The following CHRM3 variants were observed in gnomAD, a reference collection of about 807,000 sequenced individuals.
CHRM3 encodes muscarinic acetylcholine receptor M3.
In CHRM3, 11 loss-of-function variants were observed where a neutral mutation model predicts 41.8. That is an observed-to-expected ratio of 0.26 (90% CI 0.17 to 0.44). The LOEUF is 0.44. Ranked by LOEUF, CHRM3 falls within the 20% of genes least tolerant of loss-of-function variation. The pLI is 1.00. For synonymous variants in CHRM3, 297 were observed against 301.4 expected (o/e 0.99, Z 0.15); for missense variants, 571 against 745.4 (o/e 0.77, Z 2.72).
chr1:239,535,540 C>G (rs916733253), intron 2 of CHRM3, among the ~76,000 whole-genome samples: 2 of 150,462 alleles, frequency 1.3e-5, no homozygotes, highest in African/African-American at 4.9e-5. Flanking sequence ...CCCATACCTA[C>G]ATCGAGTGTG....
intron 6 of CHRM3, among the ~76,000 whole-genome samples, chr1:239,861,565 C>T (rs957417142): frequency 6.6e-6 from 1 of 152,050 alleles, no homozygotes; most frequent in East Asian, 1.9e-4. Context: ...TCAACTCATG[C>T]AGGGTCACAC....
chr1:239,482,364 G>T (rs1273337475), intron 1 of CHRM3, among the ~76,000 whole-genome samples: 2 of 152,182 alleles, frequency 1.3e-5, no homozygotes, highest in East Asian at 3.9e-4. Flanking sequence ...GGGGAGAAAA[G>T]CACCCACAAG....
At chr1:239,686,269 G>A (rs1571982134) in intron 5 of CHRM3, among the ~76,000 whole-genome samples, 1 of 152,162 alleles carries the variant, frequency 6.6e-6, no homozygotes, top group Non-Finnish European at 1.5e-5. Flanking sequence ...TCATAAAACA[G>A]CAGAGTTTCT....
At chr1:239,394,427 A>G (rs56202307) in intron 1 of CHRM3, among the ~76,000 whole-genome samples, 49,405 of 152,116 alleles carry the variant, frequency 0.32, 10,058 homozygotes, top group Non-Finnish European at 0.46. Flanking sequence ...ATTGCAGTGA[A>G]GTCCCAGCCA....
chr1:239,833,259 T>C (rs1673041308), intron 6 of CHRM3, among the ~76,000 whole-genome samples: 1 of 152,178 alleles, frequency 6.6e-6, no homozygotes, highest in Non-Finnish European at 1.5e-5. Flanking sequence ...GTTTATATAC[T>C]TCAACTCTTT....
chr1:239,599,607 G>A (rs1036647456), intron 3 of CHRM3, among the ~76,000 whole-genome samples: 3 of 151,948 alleles, frequency 2.0e-5, no homozygotes, highest in Admixed American at 1.3e-4. Flanking sequence ...TTTCCATGGG[G>A]CTATGTCCTG....
chr1:239,646,445 A>G (rs2148948036), intron 4 of CHRM3, among the ~76,000 whole-genome samples: 1 of 152,314 alleles, frequency 6.6e-6, no homozygotes, highest in East Asian at 1.9e-4. Context: ...GCACGTTTGG[A>G]TGCTTTTCAC....
At chr1:239,780,334 G>A (rs1485979195) in intron 5 of CHRM3, among the ~76,000 whole-genome samples, 2 of 152,200 alleles carry the variant, frequency 1.3e-5, no homozygotes, top group African/African-American at 4.8e-5. Context: ...TAATAGGTGT[G>A]TAGTGGTATC....
At chr1:239,677,658 T>C (rs1456087710) in intron 4 of CHRM3, among the ~76,000 whole-genome samples, 2 of 152,122 alleles carry the variant, frequency 1.3e-5, no homozygotes, top group African/African-American at 4.8e-5. Context: ...TACAGCATTC[T>C]CCCACCCATG....
chr1:239,433,726 T>C (rs1340234964), intron 1 of CHRM3, among the ~76,000 whole-genome samples: 1 of 151,892 alleles, frequency 6.6e-6, no homozygotes, highest in East Asian at 1.9e-4. Context: ...TTTCCATTCC[T>C]GAGTTACTTC....
chr1:239,444,044 T>A lies in CHRM3; in HGVS notation c.-520-48665T>A, dbSNP rs781158714. Among the ~76,000 whole-genome samples, 155 of 152,166 alleles carry A rather than the reference T, an allele frequency of 1.0e-3. 1 individual carries two copies. Among genetic ancestry groups the A allele is most frequent in the Non-Finnish European group, 1.9e-3 (132 of 68,024 alleles). On this transcript the variant is annotated intron_variant, in intron 1 of 6. Transcript: ENST00000676153. ...TGCTCTTAGTAATTGCAGTCACAAT[T>A]TTTGAGTACTGGGAGTCAGGCACCA...
At chr1:239,714,064 T>G (rs772223969) in intron 5 of CHRM3, 1 of 152,200 alleles carries the variant, frequency 6.6e-6, no homozygotes, top group Non-Finnish European at 1.5e-5. Context: ...GTTCTTAGAC[T>G]TAAAACTGCT....
At chr1:239,765,132 G>A (rs73125240) in intron 5 of CHRM3, among the ~76,000 whole-genome samples, 3,035 of 152,312 alleles carry the variant, frequency 0.02, 105 homozygotes, top group African/African-American at 0.07. Flanking sequence ...GTCACAGGGT[G>A]CCTTAACCAG....
At chr1:239,884,157 C>T (rs570234166) in intron 6 of CHRM3, among the ~76,000 whole-genome samples, 20 of 152,198 alleles carry the variant, frequency 1.3e-4, no homozygotes, top group Admixed American at 3.9e-4. Flanking sequence ...TGAATGTTAC[C>T]TAATTTGGAA....
chr1:239,693,038 C>T (rs968072525), intron 5 of CHRM3, among the ~76,000 whole-genome samples: 1 of 152,160 alleles, frequency 6.6e-6, no homozygotes, highest in African/African-American at 2.4e-5. Flanking sequence ...AACCAGATCA[C>T]GTGCAGTGTT....
intron 6 of CHRM3, among the ~76,000 whole-genome samples, chr1:239,887,391 G>A (rs1170427512): frequency 1.3e-5 from 2 of 152,030 alleles, no homozygotes; most frequent in African/African-American, 4.8e-5. Context: ...TAGTAGAGAC[G>A]GGGTTTCACC....
chr1:239,822,912 G>C (rs1162797772), intron 5 of CHRM3, among the ~76,000 whole-genome samples: 4 of 152,156 alleles, frequency 2.6e-5, no homozygotes, highest in South Asian at 4.1e-4. Context: ...TATGTGTTGA[G>C]ACCCAAATCC....
In CHRM3 at chr1:239,826,351, A is replaced by T. The variant is rs538345984; in HGVS notation, c.-146-901A>T. Among the ~76,000 whole-genome samples the T allele has an allele frequency of 2.6e-5, 4 of 152,330 alleles. No homozygotes were observed. In the East Asian group the frequency reaches 7.7e-4, roughly 29 times the overall value. Reference sequence around the variant, plus strand: ...TTGCCATTTGTTCTGTAAACACAGGAAACATCGGATGAGTAAATATGCTCG... The same window carrying T: ...TTGCCATTTGTTCTGTAAACACAGGTAACATCGGATGAGTAAATATGCTCG... On this transcript the variant is annotated intron_variant, in intron 5 of 6. Transcript: ENST00000676153.
chr1:239,800,965 G>A (rs2148918476), intron 5 of CHRM3, among the ~76,000 whole-genome samples: 1 of 152,154 alleles, frequency 6.6e-6, no homozygotes, highest in East Asian at 1.9e-4. Context: ...GCCTCCAGAG[G>A]ATGCATTTCT....
Sources: gnomAD v4.1 joint callset for allele counts (sites outside exome capture counted in the v4.1 genomes callset) on GRCh38, gnomAD v4.1.1 for gene constraint, MANE v1.5 for transcripts, NCBI Gene and HGNC (gene_info 2026-07-23, HGNC 2026-07-21) for gene names.